The following ZC4H2 variants were observed in gnomAD, a reference collection of about 807,000 sequenced individuals.
ZC4H2 encodes the protein zinc finger C4H2-type containing.
For synonymous variants in ZC4H2, 84 were observed against 66.3 expected, an observed-to-expected ratio of 1.27 and a Z score of -1.30; for missense variants, 137 against 173.9, an observed-to-expected ratio of 0.79 and a Z score of 1.19.
chrX:64,964,238 A>C (rs1290117961), intron 1 of ZC4H2, among the ~76,000 whole-genome samples: 1 of 111,481 alleles, frequency 9.0e-6, no homozygotes, highest in Non-Finnish European at 1.9e-5. Context: ...AAATTAAATT[A>C]AATTGAATTA....
intron 1 of ZC4H2, among the ~76,000 whole-genome samples, chrX:64,938,588 C>T (rs754347368): frequency 2.0e-4 from 22 of 111,768 alleles, no homozygotes; most frequent in African/African-American, 4.9e-4. Context: ...TTATCCACTA[C>T]GATCAAGTTG....
chrX:64,951,184 A>C (rs909449937), intron 1 of ZC4H2, among the ~76,000 whole-genome samples: 8 of 112,022 alleles, frequency 7.1e-5, no homozygotes, highest in African/African-American at 1.6e-4. Context: ...TATGTGCCAC[A>C]TTTTCTTAAT....
chrX:64,953,968 C>A (rs994432329), intron 1 of ZC4H2, among the ~76,000 whole-genome samples: 5 of 110,474 alleles, frequency 4.5e-5, no homozygotes, highest in Non-Finnish European at 3.8e-5. Flanking sequence ...CATATATACA[C>A]CGTGGAATAC....
At position 64,934,293 on chromosome X, in the gene ZC4H2, G is replaced by T. The variant is rs193027755; in HGVS notation, c.54-12305C>A. On this transcript the variant is annotated intron_variant, in intron 1 of 4. Transcript: ENST00000374839. Reference sequence around the variant, plus strand: ...ATTTTTACTCCATTGTAACATCTGGGCCTGAAGATTCAATTTTTGGAAACT... The same window carrying T: ...ATTTTTACTCCATTGTAACATCTGGTCCTGAAGATTCAATTTTTGGAAACT... 8.9e-5 allele frequency among the ~76,000 whole-genome samples: 10 copies of T among 112,226 alleles called. No homozygotes were observed. The Admixed American group carries it at 9.4e-4, about 11-fold the overall frequency.
At chrX:64,924,581 C>A (rs1440740359) in intron 1 of ZC4H2, among the ~76,000 whole-genome samples, 3 of 111,250 alleles carry the variant, frequency 2.7e-5, no homozygotes, top group African/African-American at 9.8e-5. Context: ...GTCTGAGGGA[C>A]ACTATAGGGT....
intron 1 of ZC4H2, among the ~76,000 whole-genome samples, chrX:64,966,072 G>A (rs1467401557): frequency 2.7e-5 from 3 of 110,261 alleles, no homozygotes; most frequent in African/African-American, 9.9e-5. Context: ...TGTGTTTCCA[G>A]AAAATGTAAA....
chrX:64,938,367 C>T (rs767113655), intron 1 of ZC4H2, among the ~76,000 whole-genome samples: 31 of 111,962 alleles, frequency 2.8e-4, no homozygotes, highest in African/African-American at 1.0e-3. Context: ...CAAAGAGCAG[C>T]TTATACCATT....
intron 1 of ZC4H2, among the ~76,000 whole-genome samples, chrX:64,959,535 CTTAT>C (rs1390803901): frequency 9.3e-6 from 1 of 107,092 alleles, no homozygotes. Context: ...CTAATGTAGA[CTTAT>C]TTAAGAGATT....
intron 4 of ZC4H2, chrX:64,918,185 C>A: frequency 4.9e-6 from 1 of 204,816 alleles, no homozygotes; most frequent in Non-Finnish European, 8.9e-6. Context: ...AACAGGCCCA[C>A]TTAAGGACTA....
intron 1 of ZC4H2, among the ~76,000 whole-genome samples, chrX:65,031,853 T>C (rs1416244817): frequency 8.9e-6 from 1 of 112,501 alleles, no homozygotes; most frequent in African/African-American, 3.2e-5. Flanking sequence ...AAAAGTTTTA[T>C]TATTCTGTTG....
At chrX:64,927,186 A>C (rs908815764) in intron 1 of ZC4H2, among the ~76,000 whole-genome samples, 2 of 110,296 alleles carry the variant, frequency 1.8e-5, no homozygotes, top group African/African-American at 6.6e-5. Flanking sequence ...CAGAACATGC[A>C]GGTTTGTTAC....
chrX:64,997,258 A>G (rs1260727594), intron 1 of ZC4H2, among the ~76,000 whole-genome samples: 1 of 112,413 alleles, frequency 8.9e-6, no homozygotes, highest in Non-Finnish European at 1.9e-5. Flanking sequence ...ACTATACTTT[A>G]AGGATGATGG....
upstream of ZC4H2, among the ~76,000 whole-genome samples, chrX:64,979,024 T>C (rs1334892919): frequency 8.9e-6 from 1 of 112,053 alleles, no homozygotes; most frequent in East Asian, 2.8e-4. Context: ...CAATTAAATA[T>C]GTTAATGGGT....
At position 64,919,135 on chromosome X, in the gene ZC4H2, G is replaced by T; in HGVS notation, c.468C>A (p.Ala156=). Residue 156 remains alanine (A), a synonymous_variant, in exon 4 of 5, where the codon GCC becomes GCA. Coordinates refer to ENST00000374839, the MANE Select transcript of ZC4H2 (RefSeq NM_018684.4). ...GCTGTTGGGCGGCAGCGGCTGCAGC[G>T]GCCAGGGACTCAGGGATGGGGGGCT... ...PQEPPIPESL[A]AAAAAAQQLQ... is the part of the protein sequence containing the mutation. The T allele has an allele frequency of 8.3e-7, 1 of 1,208,483 alleles. No homozygotes were observed. The highest frequency in any genetic ancestry group is 1.1e-6 in the Non-Finnish European group (1 of 893,669).
rs201609507 is a variant in ZC4H2 at position 64,976,399 on chromosome X, G to A, written c.-22C>T. Reference sequence around the variant, plus strand: ...CCATACTTTTCACTGTCAATTTCACGTCCCGAGAGATGTACAAATACACCA... The same window carrying A: ...CCATACTTTTCACTGTCAATTTCACATCCCGAGAGATGTACAAATACACCA... On this transcript the variant is annotated 5_prime_UTR_variant, in exon 1 of 5. The change creates a new upstream start codon in the 5' untranslated region. Transcript: ENST00000374839. The A allele has an allele frequency of 5.0e-6, 6 of 1,202,943 alleles. No individual in the cohort carries two copies.
chrX:64,922,031 G>C (rs1475901008), intron 1 of ZC4H2, 43 bp from the exon 2 acceptor site: 1 of 1,194,936 alleles, frequency 8.4e-7, no homozygotes, highest in Admixed American at 2.3e-5. Flanking sequence ...CAAAAGAAGG[G>C]AGAAAATAGA....
chrX:65,000,432 T>C (rs1222698916), intron 1 of ZC4H2, among the ~76,000 whole-genome samples: 2 of 111,275 alleles, frequency 1.8e-5, no homozygotes, highest in Non-Finnish European at 3.8e-5. Context: ...CATCAGAAGG[T>C]CACCAACATC....
intron 1 of ZC4H2, among the ~76,000 whole-genome samples, chrX:64,961,840 A>G (rs1408891312): frequency 9.0e-6 from 1 of 111,440 alleles, no homozygotes; most frequent in African/African-American, 3.3e-5. Context: ...TCCTATAAGC[A>G]TACAATCTGG....
At chrX:64,938,412 G>A (rs922820342) in intron 1 of ZC4H2, among the ~76,000 whole-genome samples, 1 of 111,558 alleles carries the variant, frequency 9.0e-6, no homozygotes, top group African/African-American at 3.3e-5. Context: ...AGAAAAAGAG[G>A]GAATACTCTC....
Sources: allele counts gnomAD v4.1 joint callset (sites outside exome capture counted in the v4.1 genomes callset), GRCh38; gene constraint gnomAD v4.1.1; transcripts MANE v1.5; gene names NCBI Gene and HGNC (gene_info 2026-07-23, HGNC 2026-07-21).